Variants in GALNTL6 observed in about 807,000 individuals in gnomAD.
The protein encoded by GALNTL6 is polypeptide N-acetylgalactosaminyltransferase-like 6.
A neutral mutation model predicts 73.7 loss-of-function variants in GALNTL6; 46 were observed. The ratio of observed to expected loss-of-function variants is 0.62; its 90% confidence interval spans 0.49 to 0.80. GALNTL6 has a LOEUF of 0.80. Among genes scored for constraint, GALNTL6 ranks in the 30% least tolerant of loss-of-function variants. The pLI is 0.00. For synonymous variants in GALNTL6, 259 were observed against 263.7 expected, an observed-to-expected ratio of 0.98 and a Z score of 0.17; for missense variants, 604 against 755.0, an observed-to-expected ratio of 0.80 and a Z score of 2.34.
chr4:172,308,003 C>CTTTTTTTTTTTTTTT (rs70941399), intron 3 of GALNTL6, among the ~76,000 whole-genome samples: 6 of 34,588 alleles, frequency 1.7e-4, no homozygotes, highest in African/African-American at 4.1e-4. Context: ...TGTGTTTTAA[C>CTTTTTTTTTTTTTTT]TTTTTTTTTT....
chr4:172,742,216 C>T (rs1044587539), intron 5 of GALNTL6, among the ~76,000 whole-genome samples: 17 of 151,768 alleles, frequency 1.1e-4, no homozygotes, highest in Non-Finnish European at 8.8e-5. Flanking sequence ...GTAAGAATAC[C>T]TGGTGAACCT....
chr4:171,908,246 T>C (rs370143990), intron 2 of GALNTL6, among the ~76,000 whole-genome samples: 145 of 152,088 alleles, frequency 9.5e-4, no homozygotes, highest in African/African-American at 3.1e-3. Flanking sequence ...AAACTACTCA[T>C]CTGACAAAGG....
At chr4:172,054,075 G>A (rs932497654) in intron 2 of GALNTL6, among the ~76,000 whole-genome samples, 34 of 152,058 alleles carry the variant, frequency 2.2e-4, no homozygotes, top group African/African-American at 8.2e-4. Context: ...TAGAGTCCAG[G>A]AGGCTTTCTA....
intron 5 of GALNTL6, among the ~76,000 whole-genome samples, chr4:172,736,987 C>G (rs936926469): frequency 6.6e-6 from 1 of 152,160 alleles, no homozygotes; most frequent in African/African-American, 2.4e-5. Flanking sequence ...TGAGGCATCC[C>G]CAGCCATGTG....
chr4:172,160,483 A>G (rs1734422564), intron 2 of GALNTL6, among the ~76,000 whole-genome samples: 1 of 152,062 alleles, frequency 6.6e-6, no homozygotes, highest in African/African-American at 2.4e-5. Context: ...GCCTTAGAAG[A>G]TCTTAGAATA....
At chr4:171,922,380 AGAAAGT>A (rs1737817836) in intron 2 of GALNTL6, among the ~76,000 whole-genome samples, 1 of 152,142 alleles carries the variant, frequency 6.6e-6, no homozygotes, top group Non-Finnish European at 1.5e-5. Flanking sequence ...AACAACCTCC[AGAAAGT>A]GAATCATTGC....
intron 9 of GALNTL6, among the ~76,000 whole-genome samples, chr4:172,951,043 A>G (rs1749419028): frequency 6.6e-6 from 1 of 152,226 alleles, no homozygotes; most frequent in African/African-American, 2.4e-5. Flanking sequence ...ATCTCAGCTA[A>G]TGCCTTTCCT....
chr4:172,771,507 T>C (rs1385880180), intron 5 of GALNTL6, among the ~76,000 whole-genome samples: 1 of 152,228 alleles, frequency 6.6e-6, no homozygotes, highest in African/African-American at 2.4e-5. Flanking sequence ...CTTTTGAGTG[T>C]CAGGTGTATT....
At chr4:171,838,045 CTT>C (rs1413145135) in intron 2 of GALNTL6, among the ~76,000 whole-genome samples, 5 of 151,808 alleles carry the variant, frequency 3.3e-5, no homozygotes, top group African/African-American at 1.2e-4. Context: ...TCCCTTCACT[CTT>C]TTGTTTGTTT....
chr4:172,390,786 C>T (rs1743639985), intron 5 of GALNTL6, among the ~76,000 whole-genome samples: 1 of 152,090 alleles, frequency 6.6e-6, no homozygotes, highest in East Asian at 1.9e-4. Context: ...AGCAAAAAAG[C>T]TTTAATTAAT....
chr4:172,392,205 T>G (rs948273701), intron 5 of GALNTL6, among the ~76,000 whole-genome samples: 1 of 152,046 alleles, frequency 6.6e-6, no homozygotes, highest in African/African-American at 2.4e-5. Context: ...GTCAGGCTGG[T>G]CTCAAACTCC....
intron 2 of GALNTL6, among the ~76,000 whole-genome samples, chr4:172,113,680 A>C (rs890565503): frequency 6.6e-6 from 1 of 152,088 alleles, no homozygotes; most frequent in Admixed American, 6.6e-5. Context: ...GCAAATAAAT[A>C]ATGATATACA....
At chr4:172,425,341 A>C (rs1369880072) in intron 5 of GALNTL6, 1 of 152,138 alleles carries the variant, frequency 6.6e-6, no homozygotes, top group African/African-American at 2.4e-5. Context: ...GTAACTTAAA[A>C]GTCATAAATT....
At chr4:172,487,299 T>TTTCC (rs201082596) in intron 5 of GALNTL6, among the ~76,000 whole-genome samples, 22,400 of 82,510 alleles carry the variant, frequency 0.27, 2,553 homozygotes, top group South Asian at 0.36. Context: ...TCTTTCCTTC[T>TTTCC]GTCTTTCTTT....
intron 2 of GALNTL6, among the ~76,000 whole-genome samples, chr4:172,168,308 A>C (rs1007051514): frequency 2.0e-5 from 3 of 152,104 alleles, no homozygotes; most frequent in Admixed American, 6.5e-5. Flanking sequence ...TTTGAGAAGG[A>C]GTCTTGCTCT....
At chr4:172,831,190 A>AAAAAAAAAT (rs1742617762) in intron 7 of GALNTL6, among the ~76,000 whole-genome samples, 1 of 135,610 alleles carries the variant, frequency 7.4e-6, no homozygotes, top group African/African-American at 2.8e-5. Context: ...AAAAAAAAAA[A>AAAAAAAAAT]GATTCAGAGT....
intron 5 of GALNTL6, among the ~76,000 whole-genome samples, chr4:172,487,310 C>CTT (rs1733714844): frequency 1.9e-5 from 2 of 107,508 alleles, no homozygotes; most frequent in African/African-American, 3.5e-5. Flanking sequence ...GTCTTTCTTT[C>CTT]TTTCTTTCTT....
At chr4:172,408,597 C>A (rs758757541) in intron 5 of GALNTL6, among the ~76,000 whole-genome samples, 19 of 150,982 alleles carry the variant, frequency 1.3e-4, no homozygotes, top group South Asian at 2.1e-4. Context: ...CTCTGCTGTT[C>A]TTCTCATTTT....
At chr4:172,253,390 T>G (rs2111019440) in intron 3 of GALNTL6, among the ~76,000 whole-genome samples, 1 of 151,976 alleles carries the variant, frequency 6.6e-6, no homozygotes, top group East Asian at 1.9e-4. Flanking sequence ...TTGAGATGGA[T>G]TGTCGTAAGA....
Sources: allele counts gnomAD v4.1 joint callset (sites outside exome capture counted in the v4.1 genomes callset), GRCh38; gene constraint gnomAD v4.1.1; transcripts MANE v1.5; gene names NCBI Gene and HGNC (gene_info 2026-07-23, HGNC 2026-07-21).